Variants in SPON1 observed in about 807,000 individuals in gnomAD.
The protein encoded by SPON1 is spondin 1.
A neutral mutation model predicts 111.7 loss-of-function variants in SPON1; 52 were observed. The ratio of observed to expected loss-of-function variants is 0.47; its 90% CI spans 0.37 to 0.59. SPON1 has a LOEUF of 0.59. Among genes scored for constraint, SPON1 ranks in the 20% least tolerant of loss-of-function variants. The probability of loss-of-function intolerance (pLI) is 0.00; values close to 1 mark genes in which losing one functional copy is unlikely to be tolerated. For synonymous variants in SPON1, 410 were observed against 395.8 expected (o/e 1.04, Z -0.43); for missense variants, 957 against 1,068.5 (o/e 0.90, Z 1.46).
At chr11:14,155,672 C>T (rs1554930332) in intron 6 of SPON1, among the ~76,000 whole-genome samples, 1 of 149,008 alleles carries the variant, frequency 6.7e-6, no homozygotes, top group African/African-American at 2.5e-5. Flanking sequence ...CACAACAGTC[C>T]CCAGAGTGTG....
At chr11:13,969,014 T>C (rs1402393661) in intron 1 of SPON1, among the ~76,000 whole-genome samples, 1 of 152,072 alleles carries the variant, frequency 6.6e-6, no homozygotes, top group Admixed American at 6.5e-5. Flanking sequence ...ACACAATATA[T>C]CTTACTTTCT....
chr11:14,265,409 A>G, intron 15 of SPON1, 115 bp from the exon 16 acceptor site: 1 of 1,213,800 alleles, frequency 8.2e-7, no homozygotes, highest in Non-Finnish European at 1.1e-6. Flanking sequence ...ACCAATCATT[A>G]CATACTTGAG....
intron 1 of SPON1, among the ~76,000 whole-genome samples, chr11:13,975,725 G>A (rs886248518): frequency 6.6e-5 from 10 of 152,062 alleles, no homozygotes; most frequent in South Asian, 2.1e-4. Context: ...TGTAAGAATC[G>A]TCCCCAAAGC....
intron 2 of SPON1, among the ~76,000 whole-genome samples, chr11:14,032,472 G>A (rs1477349969): frequency 3.3e-5 from 5 of 152,192 alleles, no homozygotes; most frequent in Non-Finnish European, 5.9e-5. Context: ...GCCACGACCA[G>A]TTAGGAGAGG....
intron 2 of SPON1, among the ~76,000 whole-genome samples, chr11:14,000,808 T>G (rs1475192774): frequency 6.6e-6 from 1 of 152,144 alleles, no homozygotes; most frequent in Non-Finnish European, 1.5e-5. Context: ...GCATTGGGTT[T>G]TACCTGAATC....
At chr11:13,974,733 A>G (rs1554908918) in intron 1 of SPON1, among the ~76,000 whole-genome samples, 1 of 152,124 alleles carries the variant, frequency 6.6e-6, no homozygotes, top group African/African-American at 2.4e-5. Flanking sequence ...CCTAAACCAT[A>G]AATCTGAATA....
At chr11:14,003,610 C>T (rs567395140) in intron 2 of SPON1, among the ~76,000 whole-genome samples, 8 of 152,198 alleles carry the variant, frequency 5.3e-5, no homozygotes, top group Admixed American at 3.9e-4. Context: ...TCTATCAAGA[C>T]ACAGAAAGAA....
In SPON1 at chr11:14,173,256, C is replaced by T. The variant is rs1353686952; in HGVS notation, c.825+37688C>T. ...ATTTCATTCATTTCGTCTTCCATCG[C>T]TGATACCCTTTCTTCCAGTTGATTG... On this transcript the variant is annotated intron_variant, in intron 6 of 15. Transcript: ENST00000576479. 4.5e-4 allele frequency among the ~76,000 whole-genome samples: 69 copies of T among 152,274 alleles called. 1 individual carries two copies. The highest frequency in any genetic ancestry group is 3.4e-3 in the Middle Eastern group (1 of 294).
chr11:14,221,830 C>T (rs1848684702), intron 6 of SPON1, among the ~76,000 whole-genome samples: 1 of 152,190 alleles, frequency 6.6e-6, no homozygotes. Context: ...CCTCACCTCT[C>T]ATTAGAACCG....
intron 6 of SPON1, among the ~76,000 whole-genome samples, chr11:14,200,853 A>C (rs1454090029): frequency 7.1e-6 from 1 of 140,144 alleles, no homozygotes; most frequent in Non-Finnish European, 1.5e-5. Context: ...AAAAAGATTT[A>C]TGGGAACATT....
chr11:14,220,660 C>T (rs1554937513), intron 6 of SPON1, among the ~76,000 whole-genome samples: 3 of 152,170 alleles, frequency 2.0e-5, no homozygotes, highest in Non-Finnish European at 4.4e-5. Context: ...CATCACATTA[C>T]AGATCTATGA....
At chr11:14,045,292 G>A (rs1424028223) in intron 3 of SPON1, among the ~76,000 whole-genome samples, 7 of 152,272 alleles carry the variant, frequency 4.6e-5, no homozygotes, top group South Asian at 2.1e-4. Flanking sequence ...TTACACGGCC[G>A]GGCGTGGTGG....
At chr11:14,094,236 C>T (rs1038964631) in intron 5 of SPON1, among the ~76,000 whole-genome samples, 24 of 149,894 alleles carry the variant, frequency 1.6e-4, no homozygotes, top group Admixed American at 2.7e-4. Flanking sequence ...AGCCACACAA[C>T]GCTTGGTACT....
Position 14,135,635 on chromosome 11 carries a change from T to C in SPON1, c.825+67T>C. 1 of 1,318,896 alleles carries C rather than the reference T, an allele frequency of 7.6e-7. No homozygotes were observed. The highest frequency in any genetic ancestry group is 1.8e-5 in the Admixed American group (1 of 55,546). The allele number at this position is 1,318,896 out of a possible 1,614,324, so 81.7% of individuals were successfully genotyped here. A position where few individuals can be genotyped will look rare whatever the true frequency, so the allele number is the denominator to read the frequency against. ...CAGTCAAAGCACTCCTTAGATATCT[T>C]TCCCAGGGGCTTGAAATTTGCAGTA... On this transcript the variant is annotated intron_variant, in intron 6 of 15. Coordinates refer to ENST00000576479, the MANE Select transcript of SPON1 (RefSeq NM_006108.4). This position sits in a 1 kb window ranked among gnomAD's most constrained non-coding sequence, Gnocchi z 4.4.
intron 2 of SPON1, 150 bp from the exon 3 acceptor site, chr11:14,041,371 T>C: frequency 2.3e-6 from 2 of 887,726 alleles, no homozygotes; most frequent in Non-Finnish European, 3.4e-6. Flanking sequence ...TGGGACTTTA[T>C]GCCAAGCACT....
At chr11:13,990,709 C>G (rs1554911056) in intron 2 of SPON1, among the ~76,000 whole-genome samples, 2 of 151,978 alleles carry the variant, frequency 1.3e-5, no homozygotes, top group South Asian at 2.1e-4. Flanking sequence ...GTGGCTGATA[C>G]CAGTTGTTCC....
chr11:14,113,904 A>T (rs1238263666), intron 5 of SPON1, among the ~76,000 whole-genome samples: 2 of 151,832 alleles, frequency 1.3e-5, no homozygotes, highest in African/African-American at 4.8e-5. Context: ...GCGCCTGGCC[A>T]AATTTTTATT....
chr11:14,085,919 G>T (rs534377053), intron 5 of SPON1, among the ~76,000 whole-genome samples: 3 of 152,010 alleles, frequency 2.0e-5, no homozygotes, highest in Non-Finnish European at 2.9e-5. Flanking sequence ...AATTGTGAAC[G>T]GGAGTTCACT....
intron 5 of SPON1, among the ~76,000 whole-genome samples, chr11:14,132,049 C>T (rs1371985155): frequency 6.6e-6 from 1 of 152,126 alleles, no homozygotes; most frequent in Non-Finnish European, 1.5e-5. Flanking sequence ...GAGGCCAAGG[C>T]GGGCAAATCA....
Sources: allele counts gnomAD v4.1 joint callset (sites outside exome capture counted in the v4.1 genomes callset), GRCh38; gene constraint gnomAD v4.1.1; non-coding constraint Gnocchi (gnomAD v3.1); transcripts MANE v1.5; gene names NCBI Gene and HGNC (gene_info 2026-07-23, HGNC 2026-07-21).